Variants in NEXMIF observed in about 807,000 individuals in gnomAD.
NEXMIF encodes neurite extension and migration factor.
A neutral mutation model predicts 62.1 loss-of-function variants in NEXMIF; 8 were observed. That is an observed-to-expected ratio of 0.13 (90% CI 0.08 to 0.23). NEXMIF has a LOEUF of 0.23. NEXMIF is among the 10% of genes least tolerant of loss of function. The probability of loss-of-function intolerance (pLI) is 1.00; values close to 1 mark genes in which losing one functional copy is unlikely to be tolerated. For missense variants in NEXMIF, 976 were observed against 1,113.3 expected (o/e 0.88, Z 1.75); for synonymous variants, 404 against 416.6 (o/e 0.97, Z 0.37).
chrX:74,780,621 C>G (rs1243090917), intron 1 of NEXMIF, among the ~76,000 whole-genome samples: 7 of 110,507 alleles, frequency 6.3e-5, no homozygotes, highest in African/African-American at 2.3e-4. Context: ...AGGCAATCGG[C>G]CCGCTGTGGC....
At chrX:74,908,458 G>A (rs780079641) in intron 1 of NEXMIF, among the ~76,000 whole-genome samples, 2 of 112,296 alleles carry the variant, frequency 1.8e-5, no homozygotes, top group East Asian at 5.6e-4. Flanking sequence ...AATATTAAAG[G>A]TGAAAATCAA....
At chrX:74,876,859 T>A (rs1269002968) in intron 1 of NEXMIF, among the ~76,000 whole-genome samples, 9 of 108,880 alleles carry the variant, frequency 8.3e-5, no homozygotes, top group Non-Finnish European at 1.5e-4. Context: ...TCTTCCTCCA[T>A]CCTTTTATTT....
rs2080078494 is a variant in NEXMIF, at chrX:74,733,723, A to G, written c.*5682T>C. On this transcript the variant is annotated 3_prime_UTR_variant, in exon 4 of 4. Coordinates refer to ENST00000055682, the MANE Select transcript of NEXMIF (RefSeq NM_001008537.3). ...AGAAGTGTTACAAGAATAATTTACA[A>G]GAAAATCTATAAAACAGCAAGAAGC... 1 of 112,908 alleles carries G rather than the reference A, an allele frequency of 8.9e-6. No individual in the cohort carries two copies. The highest frequency in any genetic ancestry group is 1.9e-5 in the Non-Finnish European group (1 of 53,325). 9.3% of individuals were successfully genotyped at this position (112,908 alleles called of 1,213,427 possible).
intron 1 of NEXMIF, among the ~76,000 whole-genome samples, chrX:74,874,607 G>C (rs1161502470): frequency 1.1e-5 from 1 of 92,230 alleles, no homozygotes; most frequent in Non-Finnish European, 2.1e-5. Flanking sequence ...TCACGATATT[G>C]ATTCTTCCTA....
At chrX:74,844,198 G>A (rs2080483934) in intron 1 of NEXMIF, among the ~76,000 whole-genome samples, 1 of 111,217 alleles carries the variant, frequency 9.0e-6, no homozygotes, top group Non-Finnish European at 1.9e-5. Flanking sequence ...ATTCTCTCTA[G>A]CTGCCTTTAA....
chrX:74,875,453 C>A (rs755497342), intron 1 of NEXMIF, among the ~76,000 whole-genome samples: 17 of 111,737 alleles, frequency 1.5e-4, no homozygotes, highest in Non-Finnish European at 2.4e-4. Flanking sequence ...GTCTAAAATT[C>A]TCTTTTTTGG....
At chrX:74,801,570 C>G (rs968767757) in intron 1 of NEXMIF, among the ~76,000 whole-genome samples, 1 of 111,723 alleles carries the variant, frequency 9.0e-6, no homozygotes, top group Non-Finnish European at 1.9e-5. Context: ...TACCCTGGTA[C>G]TACACTGAAG....
intron 1 of NEXMIF, among the ~76,000 whole-genome samples, chrX:74,859,839 CA>C (rs759139227): frequency 9.0e-6 from 1 of 111,216 alleles, no homozygotes; most frequent in East Asian, 2.8e-4. Flanking sequence ...ATGTTGTTGT[CA>C]GCTTAAAAAG....
chrX:74,750,233 G>A (rs1433621031), intron 1 of NEXMIF, among the ~76,000 whole-genome samples: 2 of 111,901 alleles, frequency 1.8e-5, no homozygotes, highest in African/African-American at 6.5e-5. Flanking sequence ...AGATGATTTA[G>A]ATGTGACAGG....
At chrX:74,765,974 G>C (rs907701667) in intron 1 of NEXMIF, among the ~76,000 whole-genome samples, 1 of 105,912 alleles carries the variant, frequency 9.4e-6, no homozygotes, top group African/African-American at 3.5e-5. Context: ...CTGGGAGACA[G>C]AGGTTGCAGT....
At chrX:74,804,800 C>T (rs1046355077) in intron 1 of NEXMIF, among the ~76,000 whole-genome samples, 4 of 111,871 alleles carry the variant, frequency 3.6e-5, no homozygotes, top group African/African-American at 9.8e-5. Flanking sequence ...GCGCCCAGTT[C>T]TGCACAAGGA....
chrX:74,751,159 G>C (rs759944575), intron 1 of NEXMIF, among the ~76,000 whole-genome samples: 1 of 111,232 alleles, frequency 9.0e-6, no homozygotes, highest in African/African-American at 3.3e-5. Flanking sequence ...GAACCCGGGA[G>C]GTTGAAGCCA....
intron 1 of NEXMIF, among the ~76,000 whole-genome samples, chrX:74,794,748 G>A (rs1028552868): frequency 8.1e-5 from 9 of 111,382 alleles, no homozygotes; most frequent in Admixed American, 1.9e-4. Flanking sequence ...TCCAGGTGCC[G>A]TCCGTCACCC....
chrX:74,794,685 T>C (rs2080299824), intron 1 of NEXMIF, among the ~76,000 whole-genome samples: 1 of 111,754 alleles, frequency 8.9e-6, no homozygotes, highest in Admixed American at 9.4e-5. Flanking sequence ...GTGGTGCGCC[T>C]TTTTTTAAGC....
intron 1 of NEXMIF, among the ~76,000 whole-genome samples, chrX:74,908,571 G>C (rs996886361): frequency 8.9e-6 from 1 of 112,603 alleles, no homozygotes. Context: ...GCAATGTCAT[G>C]GCATCCCCAC....
chrX:74,910,966 ATG>A (rs1241844454), intron 1 of NEXMIF, among the ~76,000 whole-genome samples: 1 of 111,922 alleles, frequency 8.9e-6, no homozygotes, highest in African/African-American at 3.3e-5. Flanking sequence ...CTTCCCAGGT[ATG>A]TCTTTATCAG....
intron 1 of NEXMIF, among the ~76,000 whole-genome samples, chrX:74,884,415 GAC>G (rs1291513189): frequency 9.0e-6 from 1 of 111,384 alleles, no homozygotes; most frequent in African/African-American, 3.3e-5. Context: ...CACGTGCAGA[GAC>G]ACACATAGGC....
intron 1 of NEXMIF, among the ~76,000 whole-genome samples, chrX:74,850,371 C>A (rs1338244347): frequency 8.9e-6 from 1 of 112,323 alleles, no homozygotes; most frequent in Non-Finnish European, 1.9e-5. Flanking sequence ...CGAGGACCAC[C>A]ACTACCACTT....
intron 1 of NEXMIF, among the ~76,000 whole-genome samples, chrX:74,923,054 T>C (rs2080832393): frequency 9.0e-6 from 1 of 111,711 alleles, no homozygotes; most frequent in African/African-American, 3.3e-5. Context: ...GGAGGTGAAA[T>C]ATTGGAAAGT....
Sources: gnomAD v4.1 joint callset for allele counts (sites outside exome capture counted in the v4.1 genomes callset) on GRCh38, gnomAD v4.1.1 for gene constraint, MANE v1.5 for transcripts, NCBI Gene and HGNC (gene_info 2026-07-23, HGNC 2026-07-21) for gene names.